USH2A: variants seen among roughly 807,000 people sequenced by gnomAD.
USH2A encodes usherin, also known as Usher syndrome 2A (autosomal recessive, mild).
Under a neutral mutation model 538.9 loss-of-function variants are expected in USH2A, and 443 were observed. The observed-to-expected ratio is 0.82, with a 90% CI of 0.76 to 0.89. The LOEUF (loss-of-function observed/expected upper bound fraction) is 0.89. Among genes scored for constraint, USH2A ranks in the 40% least tolerant of loss-of-function variants. The pLI is 0.00. For synonymous variants in USH2A, 2,413 were observed against 2,273.5 expected, an observed-to-expected ratio of 1.06 and a Z score of -1.75; for missense variants, 6,633 against 6,324.8, an observed-to-expected ratio of 1.05 and a Z score of -1.65.
intron 21 of USH2A, among the ~76,000 whole-genome samples, chr1:216,124,064 G>A (rs1467554913): frequency 6.6e-6 from 1 of 152,016 alleles, no homozygotes; most frequent in African/African-American, 2.4e-5. Context: ...GAGGAGTTCT[G>A]CATATTTTTT....
At chr1:216,042,476 A>AT (rs1430768307) in intron 32 of USH2A, among the ~76,000 whole-genome samples, 5 of 152,000 alleles carry the variant, frequency 3.3e-5, no homozygotes, top group Non-Finnish European at 7.4e-5. Flanking sequence ...AACTGACACT[A>AT]TTATTGAAAT....
At chr1:216,370,347 T>C (rs1307863863) in intron 3 of USH2A, among the ~76,000 whole-genome samples, 1 of 128,792 alleles carries the variant, frequency 7.8e-6, no homozygotes, top group Non-Finnish European at 1.7e-5. Flanking sequence ...GGCGACAGAG[T>C]GAGACTCTAT....
intron 21 of USH2A, among the ~76,000 whole-genome samples, chr1:216,101,677 T>C (rs1038208335): frequency 7.9e-5 from 12 of 152,374 alleles, no homozygotes; most frequent in African/African-American, 2.6e-4. Context: ...AATTATACTT[T>C]TCTCACTTTC....
chr1:216,212,232 A>G (rs1572055639), intron 15 of USH2A, among the ~76,000 whole-genome samples: 1 of 152,342 alleles, frequency 6.6e-6, no homozygotes, highest in East Asian at 1.9e-4. Context: ...ATTACTTGCT[A>G]TGACCATGTC....
intron 61 of USH2A, among the ~76,000 whole-genome samples, chr1:215,723,815 G>A (rs116722864): frequency 0.013 from 1,996 of 152,198 alleles, 45 homozygotes; most frequent in African/African-American, 0.043. Context: ...CTTGGGATGC[G>A]ATTTAAAATG....
intron 41 of USH2A, among the ~76,000 whole-genome samples, chr1:215,884,275 A>C (rs1664992334): frequency 6.6e-6 from 1 of 152,374 alleles, no homozygotes; most frequent in Non-Finnish European, 1.5e-5. Flanking sequence ...GAAATAAAAC[A>C]AACAAAAAAC....
intron 11 of USH2A, among the ~76,000 whole-genome samples, chr1:216,254,876 T>A (rs1054593243): frequency 6.6e-6 from 1 of 152,222 alleles, no homozygotes; most frequent in African/African-American, 2.4e-5. Context: ...TTATTGTTTT[T>A]AGCCACTAAC....
chr1:215,637,259 C>T (rs1297224940), intron 69 of USH2A, among the ~76,000 whole-genome samples: 1 of 152,160 alleles, frequency 6.6e-6, no homozygotes, highest in Non-Finnish European at 1.5e-5. Context: ...TCACTCAACA[C>T]GTGGTTCTGA....
chr1:215,997,188 C>T (rs1375086863), intron 34 of USH2A, among the ~76,000 whole-genome samples: 3 of 152,036 alleles, frequency 2.0e-5, no homozygotes, highest in African/African-American at 7.2e-5. Context: ...TAGTTGAATC[C>T]TCCCTGAAAA....
chr1:215,779,732 G>C, intron 55 of USH2A, 111 bp downstream of exon 55: 1 of 1,299,052 alleles, frequency 7.7e-7, no homozygotes, highest in Non-Finnish European at 1.1e-6. Flanking sequence ...AAGAGAACAC[G>C]TCCTTTCGAA....
At chr1:215,762,000 A>G (rs1195155924) in intron 56 of USH2A, among the ~76,000 whole-genome samples, 1 of 152,198 alleles carries the variant, frequency 6.6e-6, no homozygotes, top group Non-Finnish European at 1.5e-5. Flanking sequence ...ACAAAATGCA[A>G]TTTATTTAGC....
chr1:216,160,018 C>A (rs1033812429), intron 21 of USH2A, among the ~76,000 whole-genome samples: 1 of 151,884 alleles, frequency 6.6e-6, no homozygotes, highest in Non-Finnish European at 1.5e-5. Context: ...CTCTTTGCAT[C>A]CCTGAGAGTA....
rs2039683918 is a variant in USH2A, at chr1:216,421,950, A to G, written c.387T>C (p.Phe129=). 6.2e-7 allele frequency: 1 copy of G among 1,613,956 alleles called. No homozygotes were observed. Among genetic ancestry groups the G allele is most frequent in the Non-Finnish European group, 8.5e-7 (1 of 1,179,912 alleles). Residue 129 remains phenylalanine, a synonymous_variant, in exon 2 of 72, where the codon TTT becomes TTC. Coordinates refer to ENST00000307340, the MANE Select transcript of USH2A (RefSeq NM_206933.4). ...NAHSNSASFI[F]GNHKSCFSSP... ...AAGAAAAGCAGCTCTTGTGATTTCCAAAAATAAAACTTGCAGAATTGCTAT... is the reference window on the plus strand; with the variant it reads ...AAGAAAAGCAGCTCTTGTGATTTCCGAAAATAAAACTTGCAGAATTGCTAT...
intron 3 of USH2A, among the ~76,000 whole-genome samples, chr1:216,378,908 A>G (rs1347863559): frequency 1.3e-5 from 2 of 151,954 alleles, no homozygotes; most frequent in Non-Finnish European, 2.9e-5. Context: ...TTGTAGGTGG[A>G]CATTGGATCT....
At chr1:215,681,354 C>CAT (rs1364805332) in intron 61 of USH2A, among the ~76,000 whole-genome samples, 1 of 151,812 alleles carries the variant, frequency 6.6e-6, no homozygotes, top group Non-Finnish European at 1.5e-5. Context: ...CACACACACA[C>CAT]ACACTGGCAT....
intron 64 of USH2A, among the ~76,000 whole-genome samples, chr1:215,662,263 C>A (rs1657460613): frequency 6.6e-6 from 1 of 152,180 alleles, no homozygotes; most frequent in Admixed American, 6.5e-5. Context: ...ATATTATCTA[C>A]ATTCAGTTGA....
chr1:216,019,248 T>C (rs186346048), intron 32 of USH2A, among the ~76,000 whole-genome samples: 9 of 152,310 alleles, frequency 5.9e-5, no homozygotes, highest in Admixed American at 4.6e-4. Flanking sequence ...GCAAAAAGAC[T>C]GTAGCAAAAT....
In USH2A at chr1:216,418,555, C is replaced by A. The variant is rs1458727548; in HGVS notation, c.610G>T (p.Gly204Trp). Residue 204 changes from glycine (G) to tryptophan (W), a missense_variant, in exon 3 of 72, where the codon GGG (glycine) becomes TGG (tryptophan). By Grantham distance (184) the Gly-to-Trp change is radical (BLOSUM62 -2). Coordinates refer to ENST00000307340, the MANE Select transcript of USH2A (RefSeq NM_206933.4). ...ATCCATTTCTTCACAAGAATTCTCC[C>A]CAGTGTCATTACTTTTATTGGAGGT... ...LQPPIKVMTLGRILVKKWIHL... is the reference protein window; with the variant it reads ...LQPPIKVMTLWRILVKKWIHL... 1.2e-6 allele frequency: 2 copies of A among 1,613,134 alleles called. No individual in the cohort carries two copies. The highest frequency in any genetic ancestry group is 1.7e-6 in the Non-Finnish European group (2 of 1,179,536).
In USH2A at chr1:216,223,517, T is replaced by C. The variant is rs1167101350; in HGVS notation, c.2994-5967A>G. The stretch of plus-strand genomic sequence containing the variant: ...CCAAACATGGTTAAGCCTCGTGCCT[T>C]GCTTTGGCCAGTAGAATAAGGTAAA... On this transcript the variant is annotated intron_variant, in intron 14 of 71. Coordinates refer to ENST00000307340, the MANE Select transcript of USH2A (RefSeq NM_206933.4). Among the ~76,000 whole-genome samples, 3 of 152,184 alleles carry C rather than the reference T, an allele frequency of 2.0e-5. No individual in the cohort carries two copies. The East Asian group carries it at 5.8e-4, about 29-fold the overall frequency.
Sources: allele counts gnomAD v4.1 joint callset (sites outside exome capture counted in the v4.1 genomes callset), GRCh38; gene constraint gnomAD v4.1.1; transcripts MANE v1.5; gene names NCBI Gene and HGNC (gene_info 2026-07-23, HGNC 2026-07-21).